Variants in SHPRH observed in about 807,000 individuals in gnomAD.
The protein encoded by SHPRH is SNF2 histone linker PHD RING helicase.
SHPRH carries 106 observed loss-of-function variants against 202.5 expected under a neutral mutation model. That is an observed-to-expected ratio of 0.52 (90% CI 0.45 to 0.62). The LOEUF is 0.62. SHPRH is among the 20% of genes least tolerant of loss of function. The probability of loss-of-function intolerance (pLI) is 0.00; values close to 1 mark genes in which losing one functional copy is unlikely to be tolerated. For missense variants in SHPRH, 1,710 were observed against 2,020.0 expected, an observed-to-expected ratio of 0.85 and a Z score of 2.94; for synonymous variants, 729 against 686.0, an observed-to-expected ratio of 1.06 and a Z score of -0.98.
chr6:145,931,551 T>C (rs1489835504), intron 14 of SHPRH, among the ~76,000 whole-genome samples: 2 of 152,140 alleles, frequency 1.3e-5, no homozygotes, highest in Non-Finnish European at 2.9e-5. Context: ...TTGGCCAGGA[T>C]GGTCTCCATC....
intron 26 of SHPRH, 28 bp downstream of exon 26, chr6:145,894,854 TTAA>T (rs770307285): frequency 6.3e-7 from 1 of 1,598,638 alleles, no homozygotes; most frequent in South Asian, 1.1e-5. Context: ...TCAGTTCGAA[TTAA>T]TATTGAGGAT....
Position 145,923,664 on chromosome 6 carries a change from C to A in SHPRH, c.3524G>T (p.Gly1175Val), listed in dbSNP as rs1224180697. The A allele has an allele frequency of 1.9e-6, 3 of 1,611,708 alleles. No individual in the cohort carries two copies. Among genetic ancestry groups the A allele is most frequent in the Admixed American group, 1.7e-5 (1 of 59,804 alleles). ...EITSNYKQQT[G>V]KLSMSEKFRD... ...TTACTTCTCTGACATAGAAAGCTTG[C>A]CAGTTTGTTGCTTGTAGTTGCTGGT... Residue 1175 changes from glycine to valine, a missense_variant, in exon 18 of 30, where the codon GGC (glycine) becomes GTC (valine). This residue lies in a region of SHPRH where 288 missense variants were observed against 317.8 expected (regional missense o/e 0.91). Coordinates refer to ENST00000275233, the MANE Select transcript of SHPRH (RefSeq NM_001042683.3).
intron 3 of SHPRH, among the ~76,000 whole-genome samples, chr6:145,951,030 A>C (rs2128798327): frequency 6.6e-6 from 1 of 152,210 alleles, no homozygotes; most frequent in Middle Eastern, 3.4e-3. Context: ...ATGGGTTCTC[A>C]TTTTATTTCT....
At chr6:145,902,947 A>G (rs1049017513) in intron 25 of SHPRH, among the ~76,000 whole-genome samples, 11 of 152,098 alleles carry the variant, frequency 7.2e-5, no homozygotes, top group African/African-American at 2.7e-4. Flanking sequence ...AGAAGTCTCT[A>G]CTGTGTGTTC....
At chr6:145,887,940 T>A (rs1781227932) in intron 29 of SHPRH, 80 bp downstream of exon 29, 1 of 1,122,588 alleles carries the variant, frequency 8.9e-7, no homozygotes, top group African/African-American at 1.6e-5. Flanking sequence ...TTCGTTGTCA[T>A]CTAAGTGAAG....
At chr6:145,903,380 T>C (rs915893119) in intron 25 of SHPRH, 1 of 151,934 alleles carries the variant, frequency 6.6e-6, no homozygotes, top group Admixed American at 6.6e-5. Flanking sequence ...TGTAGAATTC[T>C]ACACATAGTA....
intron 2 of SHPRH, among the ~76,000 whole-genome samples, chr6:145,868,221 C>A (rs1055950926): frequency 6.6e-6 from 1 of 152,138 alleles, no homozygotes; most frequent in African/African-American, 2.4e-5. Flanking sequence ...TAGGGTCCAC[C>A]AATATGACCT....
At position 145,925,341 on chromosome 6, in the gene SHPRH, TACACACACACACACAC is replaced by T. The variant is rs10631165; in HGVS notation, c.3295-511_3295-496del. Among the ~76,000 whole-genome samples, 29 of 145,382 alleles carry T rather than the reference TACACACACACACACAC, an allele frequency of 2.0e-4. No individual in the cohort carries two copies. The South Asian group carries it at 6.2e-3, about 31-fold the overall frequency. On this transcript the variant is annotated intron_variant, in intron 16 of 29. Transcript: ENST00000275233. Reference sequence around the variant, plus strand: ...GAAAGTAGATTTTAAATGTTCTCACTACACACACACACACACACACACACACACATGCATGCAATAA... The same window carrying T: ...GAAAGTAGATTTTAAATGTTCTCACTACACACACACACATGCATGCAATAA...
chr6:145,947,637 A>C lies in SHPRH; in HGVS notation c.1068T>G (p.Ile356Met). The part of the protein sequence containing the change: ...LYYNPYTGCI[I>M]REYPNSGPQL... ...GCGGCCCAGAATTTGGGTACTCACG[A>C]ATGATGCTGAGGAAAAAAACAAGAT... is the stretch of plus-strand genomic sequence containing the variant. Residue 356 changes from isoleucine (I) to methionine (M), a missense_variant, in exon 6 of 30, where the codon ATT becomes ATG. Physicochemically the swap from Ile to Met is conservative, Grantham distance 10. Coordinates refer to ENST00000275233, the MANE Select transcript of SHPRH (RefSeq NM_001042683.3). 6.2e-7 allele frequency: 1 copy of C among 1,612,222 alleles called. No individual in the cohort carries two copies. Among genetic ancestry groups the C allele is most frequent in the Non-Finnish European group, 8.5e-7 (1 of 1,178,902 alleles).
intron 13 of SHPRH, 159 bp from the exon 14 acceptor site, chr6:145,933,337 C>T (rs1181598054): frequency 1.0e-6 from 1 of 1,004,602 alleles, no homozygotes; most frequent in Non-Finnish European, 1.4e-6. Flanking sequence ...TTATTTTTTC[C>T]CACATAAGTA....
At chr6:145,912,474 T>A (rs184087106) in intron 24 of SHPRH, among the ~76,000 whole-genome samples, 8 of 152,226 alleles carry the variant, frequency 5.3e-5, no homozygotes, top group African/African-American at 1.9e-4. Context: ...GTTGTATAAA[T>A]CTTATCAAAA....
chr6:145,858,566 GA>G, the SHPRH span, among the ~76,000 whole-genome samples: 1 of 151,986 alleles, frequency 6.6e-6, no homozygotes. Flanking sequence ...ATGAGTAGAG[GA>G]AAACAAGGGA....
At chr6:145,937,872 T>C (rs1287519328) in intron 11 of SHPRH, among the ~76,000 whole-genome samples, 1 of 152,214 alleles carries the variant, frequency 6.6e-6, no homozygotes, top group Non-Finnish European at 1.5e-5. Flanking sequence ...ATCCCAATTG[T>C]ATGATGTTAT....
At chr6:145,903,313 T>C (rs774411822) in intron 25 of SHPRH, 1 of 151,628 alleles carries the variant, frequency 6.6e-6, no homozygotes, top group East Asian at 1.9e-4. Flanking sequence ...TCACAAATGA[T>C]CTTTAAATTA....
intron 25 of SHPRH, 108 bp from the exon 26 acceptor site, chr6:145,895,085 A>G: frequency 2.1e-6 from 2 of 937,808 alleles, no homozygotes. Flanking sequence ...AAATGCATCA[A>G]AACAAATTAT....
chr6:145,947,449 A>T, intron 6 of SHPRH, 44 bp downstream of exon 6: 1 of 1,583,842 alleles, frequency 6.3e-7, no homozygotes, highest in Non-Finnish European at 8.6e-7. Context: ...GCTTTTCGAG[A>T]ACATATGTCC....
chr6:145,955,776 G>A (rs1025501421), intron 1 of SHPRH, among the ~76,000 whole-genome samples: 13 of 150,892 alleles, frequency 8.6e-5, no homozygotes, highest in Non-Finnish European at 1.3e-4. Context: ...TATCAGGCAC[G>A]CAAAAAAAAT....
Position 145,941,625 on chromosome 6 carries a change from T to G in SHPRH, c.2488A>C (p.Lys830Gln), listed in dbSNP as rs1786786503. 1 of 1,613,526 alleles carries G rather than the reference T, an allele frequency of 6.2e-7. No individual in the cohort carries two copies. Among genetic ancestry groups the G allele is most frequent in the Non-Finnish European group, 8.5e-7 (1 of 1,179,630 alleles). Reference sequence around the variant, plus strand: ...AAAGATTTTGCAGAAACTCTCACTTTTACTGTGGGACACTCAACCATCTGA... The same window carrying G: ...AAAGATTTTGCAGAAACTCTCACTTGTACTGTGGGACACTCAACCATCTGA... ...EAQMVECPTVKAAEMAQRLSG... is the reference protein window; with the variant it reads ...EAQMVECPTVQAAEMAQRLSG... Residue 830 changes from lysine (K) to glutamine (Q), a missense_variant and splice_region_variant, in exon 10 of 30, where the codon AAA becomes CAA. By Grantham distance (53) the Lys-to-Gln change is moderately conservative. Around this residue, in one of 8 missense-constraint regions of SHPRH, gnomAD observed 277 missense variants for 363.0 expected, o/e 0.76. Transcript: ENST00000275233.
chr6:145,935,498 G>A (rs1044063392), intron 11 of SHPRH, 57 bp from the exon 12 acceptor site: 466 of 1,558,866 alleles, frequency 3.0e-4, no homozygotes, highest in African/African-American at 1.8e-4. Context: ...TTACTAGTTT[G>A]CAGAAGCTTT....
Sources: allele counts gnomAD v4.1 joint callset (sites outside exome capture counted in the v4.1 genomes callset), GRCh38; gene constraint gnomAD v4.1.1; regional missense constraint gnomAD v4.1.1; transcripts MANE v1.5; gene names NCBI Gene and HGNC (gene_info 2026-07-23, HGNC 2026-07-21).